The following FXR1 variants were observed in gnomAD, a reference collection of about 807,000 sequenced individuals.
FXR1 encodes the protein RNA-binding protein FXR1.
A neutral mutation model predicts 84.0 loss-of-function variants in FXR1; 15 were observed. The ratio of observed to expected loss-of-function variants is 0.18; its 90% CI spans 0.12 to 0.27. The LOEUF is 0.27. Among genes scored for constraint, FXR1 ranks in the 10% least tolerant of loss-of-function variants. FXR1 has a pLI of 1.00. For synonymous variants in FXR1, 245 were observed against 250.7 expected, an observed-to-expected ratio of 0.98 and a Z score of 0.21; for missense variants, 480 against 774.4, an observed-to-expected ratio of 0.62 and a Z score of 4.51.
At chr3:180,954,367 T>C (rs1722530894) in intron 9 of FXR1, among the ~76,000 whole-genome samples, 1 of 152,176 alleles carries the variant, frequency 6.6e-6, no homozygotes, top group Admixed American at 6.5e-5. Flanking sequence ...AGGATGATAA[T>C]ATGAGGGGAG....
At chr3:180,948,153 C>A (rs865788059) in intron 4 of FXR1, 194 bp from the exon 5 acceptor site, 2 of 614,006 alleles carry the variant, frequency 3.3e-6, no homozygotes, top group Non-Finnish European at 5.8e-6. Flanking sequence ...ATGTAAGGAC[C>A]GCCAAGGTTC....
intron 3 of FXR1, among the ~76,000 whole-genome samples, chr3:180,936,037 G>A (rs185519626): frequency 3.3e-5 from 5 of 151,818 alleles, no homozygotes; most frequent in Admixed American, 6.6e-5. Flanking sequence ...AACTACAGGC[G>A]TGTGTCACCA....
chr3:180,949,081 AGT>A, intron 6 of FXR1, 144 bp from the exon 7 acceptor site: 3 of 682,652 alleles, frequency 4.4e-6, no homozygotes, highest in Non-Finnish European at 5.3e-6. Context: ...CAGAAAGGAA[AGT>A]GTGATTACTC....
chr3:180,923,610 T>TA (rs1190947932), intron 1 of FXR1, among the ~76,000 whole-genome samples: 1 of 152,130 alleles, frequency 6.6e-6, no homozygotes, highest in African/African-American at 2.4e-5. Flanking sequence ...TTACTTTACT[T>TA]ATCATAAAAG....
At chr3:180,940,059 C>G (rs1053809742) in intron 3 of FXR1, among the ~76,000 whole-genome samples, 3 of 152,190 alleles carry the variant, frequency 2.0e-5, no homozygotes, top group Non-Finnish European at 2.9e-5. Flanking sequence ...AGGAAATTTA[C>G]ATGAAGTTAC....
At chr3:180,953,596 C>G (rs1383394248) in intron 8 of FXR1, among the ~76,000 whole-genome samples, 166 bp from the exon 9 acceptor site, 1 of 151,878 alleles carries the variant, frequency 6.6e-6, no homozygotes, top group Admixed American at 6.6e-5. Flanking sequence ...TTTTTAAGTA[C>G]TTTGTGAATC....
chr3:180,928,154 A>G (rs1408662491), intron 1 of FXR1, among the ~76,000 whole-genome samples: 1 of 147,408 alleles, frequency 6.8e-6, no homozygotes, highest in Non-Finnish European at 1.5e-5. Flanking sequence ...GAAGACATCC[A>G]TTTCTGTTTT....
In FXR1 at chr3:180,976,166, A is replaced by C. The variant is rs767796397; in HGVS notation, c.1740A>C (p.Ile580=). ...IEEHGPSEKA[I]NGPTSASGDD... ...AGCATGGTCCTTCAGAAAAGGCAAT[A>C]AACGGCCCAACTAGTGCTTCTGGCG... The change falls in exon 17 of 17, where the codon ATA becomes ATC. Residue 580 remains isoleucine (I), a synonymous_variant. Transcript: ENST00000357559. 7 of 1,613,538 alleles carry C rather than the reference A, an allele frequency of 4.3e-6. No individual in the cohort carries two copies. In the South Asian group the frequency reaches 7.7e-5, roughly 18 times the overall value.
chr3:180,962,869 T>C lies in FXR1; in HGVS notation c.1078-14T>C. 1 of 1,572,242 alleles carries C rather than the reference T, an allele frequency of 6.4e-7. No individual in the cohort carries two copies. The highest frequency in any genetic ancestry group is 1.1e-5 in the South Asian group (1 of 89,700). ...ATATATAAGAAGACTTACTCTTTTT[T>C]GTTTTGATTGTAGGAAGTAGAACAG... is the stretch of plus-strand genomic sequence containing the variant. On this transcript the variant is annotated splice_polypyrimidine_tract_variant and intron_variant, in intron 11 of 16. Coordinates refer to ENST00000357559, the MANE Select transcript of FXR1 (RefSeq NM_005087.4).
At chr3:180,965,069 T>A (rs1576993184) in intron 13 of FXR1, among the ~76,000 whole-genome samples, 1 of 151,844 alleles carries the variant, frequency 6.6e-6, no homozygotes, top group Non-Finnish European at 1.5e-5. Context: ...CAGGCTGGAG[T>A]GCAGTGGCAC....
intron 10 of FXR1, among the ~76,000 whole-genome samples, chr3:180,958,249 T>C (rs567226617): frequency 2.0e-4 from 30 of 152,252 alleles, no homozygotes; most frequent in African/African-American, 6.5e-4. Flanking sequence ...ATTTTTTTTT[T>C]CAATAGTTTT....
At chr3:180,945,703 C>T (rs140620220) in intron 3 of FXR1, among the ~76,000 whole-genome samples, 2 of 152,302 alleles carry the variant, frequency 1.3e-5, no homozygotes, top group East Asian at 3.9e-4. Context: ...AGCCACCGTG[C>T]CTGACCACAA....
chr3:180,938,018 T>A (rs1720715001), intron 3 of FXR1, among the ~76,000 whole-genome samples: 1 of 152,172 alleles, frequency 6.6e-6, no homozygotes. Flanking sequence ...GACTTTTGTA[T>A]TCACTTAATT....
intron 3 of FXR1, among the ~76,000 whole-genome samples, chr3:180,938,649 A>G (rs1720795114): frequency 6.6e-6 from 1 of 152,080 alleles, no homozygotes; most frequent in South Asian, 2.1e-4. Context: ...CCCGGGTTCA[A>G]GCGATTCTCC....
chr3:180,931,881 C>G (rs1406554121), intron 1 of FXR1, among the ~76,000 whole-genome samples: 1 of 151,310 alleles, frequency 6.6e-6, no homozygotes, highest in Non-Finnish European at 1.5e-5. Flanking sequence ...GCTGGGACCA[C>G]AGACACGCCA....
intron 15 of FXR1, among the ~76,000 whole-genome samples, chr3:180,972,663 G>A (rs144892033): frequency 6.6e-6 from 1 of 152,306 alleles, no homozygotes; most frequent in East Asian, 1.9e-4. Context: ...TGTTGGAGAA[G>A]AGGCAAAAAT....
At position 180,938,886 on chromosome 3, in the gene FXR1, TTTTTTTA is replaced by T. The variant is rs534409540; in HGVS notation, c.198+3676_198+3682del. ...TTTTTTGTGTTTTTTTCTTAGGCAATTTTTTTATTTTTTATTTTTTATTTTTTGAGAT... is the reference window on the plus strand; with the variant it reads ...TTTTTTGTGTTTTTTTCTTAGGCAATTTTTTTATTTTTTATTTTTTGAGAT... On this transcript the variant is annotated intron_variant, in intron 3 of 16. Transcript: ENST00000357559. 3.2e-4 allele frequency among the ~76,000 whole-genome samples: 49 copies of T among 151,910 alleles called. 2 individuals carry two copies. In the South Asian group the frequency reaches 6.4e-3, roughly 20 times the overall value.
chr3:180,926,004 T>C (rs1719134840), intron 1 of FXR1, among the ~76,000 whole-genome samples: 1 of 152,178 alleles, frequency 6.6e-6, no homozygotes, highest in African/African-American at 2.4e-5. Context: ...GTGTCTCTAA[T>C]AAAGAAGGAT....
chr3:180,934,117 A>G (rs1358505583), intron 2 of FXR1, among the ~76,000 whole-genome samples: 1 of 152,218 alleles, frequency 6.6e-6, no homozygotes, highest in African/African-American at 2.4e-5. Flanking sequence ...TCCATCTCCA[A>G]GAGCACTGTT....
Sources: allele counts gnomAD v4.1 joint callset (sites outside exome capture counted in the v4.1 genomes callset), GRCh38; gene constraint gnomAD v4.1.1; transcripts MANE v1.5; gene names NCBI Gene and HGNC (gene_info 2026-07-23, HGNC 2026-07-21).